Variants in RANBP2 observed in about 807,000 individuals in gnomAD.
RANBP2 encodes RAN binding protein 2, also known as E3 SUMO-protein ligase RanBP2.
Under a neutral mutation model 303.6 loss-of-function variants are expected in RANBP2, and 57 were observed. The ratio of observed to expected loss-of-function variants is 0.19; its 90% confidence interval spans 0.15 to 0.23. The LOEUF is 0.23. Among genes scored for constraint, RANBP2 ranks in the 10% least tolerant of loss-of-function variants. The probability of loss-of-function intolerance (pLI) is 1.00; values close to 1 mark genes in which losing one functional copy is unlikely to be tolerated. For synonymous variants in RANBP2, 1,167 were observed against 1,301.5 expected (o/e 0.90, Z 2.23); for missense variants, 3,138 against 3,780.8 (o/e 0.83, Z 4.46).
the RANBP2 span, among the ~76,000 whole-genome samples, chr2:109,491,109 C>T: frequency 2.0e-5 from 3 of 152,180 alleles, no homozygotes; most frequent in Non-Finnish European, 4.4e-5. Flanking sequence ...CTGGATGAAA[C>T]GAGTCTGGGA....
At chr2:108,752,215 T>C (rs981075556) in intron 12 of RANBP2, among the ~76,000 whole-genome samples, 18 of 152,090 alleles carry the variant, frequency 1.2e-4, no homozygotes, top group African/African-American at 4.3e-4. Context: ...GAGCTGTTAC[T>C]GTTATTCCTT....
At chr2:108,836,357 A>G in the RANBP2 span, among the ~76,000 whole-genome samples, 165 of 152,286 alleles carry the variant, frequency 1.1e-3, 3 homozygotes, top group African/African-American at 3.9e-3. Context: ...TCTAAGGTGG[A>G]ACAATATTTG....
chr2:109,297,546 C>G, the RANBP2 span, among the ~76,000 whole-genome samples: 115 of 149,940 alleles, frequency 7.7e-4, 3 homozygotes, highest in South Asian at 0.016. Context: ...CAGTGCCCCC[C>G]ACCCAAGTCA....
chr2:109,198,722 G>A, the RANBP2 span, among the ~76,000 whole-genome samples: 1 of 152,122 alleles, frequency 6.6e-6, no homozygotes, highest in Non-Finnish European at 1.5e-5. Context: ...CATTCGTGAA[G>A]GTTCCACCCT....
At chr2:109,074,974 C>T in the RANBP2 span, among the ~76,000 whole-genome samples, 59,877 of 133,990 alleles carry the variant, frequency 0.45, 14,699 homozygotes, top group Non-Finnish European at 0.49. Context: ...TGTAGTGAGC[C>T]GAGATCACAC....
intron 6 of RANBP2, 38 bp from the exon 7 acceptor site, chr2:108,740,451 T>A (rs1018886885): frequency 6.3e-7 from 1 of 1,597,140 alleles, no homozygotes; most frequent in Non-Finnish European, 8.5e-7. Context: ...CACAGTGCAG[T>A]AAGTGTGTAT....
At chr2:109,463,386 T>G in the RANBP2 span, among the ~76,000 whole-genome samples, 1 of 152,230 alleles carries the variant, frequency 6.6e-6, no homozygotes, top group Non-Finnish European at 1.5e-5. Flanking sequence ...CCCCTTGCTC[T>G]GGGACCCAGT....
the RANBP2 span, among the ~76,000 whole-genome samples, chr2:109,344,894 C>G: frequency 6.6e-6 from 1 of 152,140 alleles, no homozygotes; most frequent in Non-Finnish European, 1.5e-5. Context: ...GGGTTCACAT[C>G]AAGTCCCATG....
chr2:109,677,956 C>G, the RANBP2 span, among the ~76,000 whole-genome samples: 1 of 152,214 alleles, frequency 6.6e-6, no homozygotes, highest in East Asian at 1.9e-4. Flanking sequence ...CCAGCTGTCG[C>G]AAGAGTGAAT....
chr2:109,577,778 T>C, the RANBP2 span, among the ~76,000 whole-genome samples: 1 of 149,822 alleles, frequency 6.7e-6, no homozygotes, highest in African/African-American at 2.5e-5. Flanking sequence ...CCAGGTGGGG[T>C]GGTGTGTGAC....
the RANBP2 span, among the ~76,000 whole-genome samples, chr2:109,471,553 G>A: frequency 6.6e-6 from 1 of 152,194 alleles, no homozygotes; most frequent in South Asian, 2.1e-4. Flanking sequence ...TGGGGACACA[G>A]AGCCAAACCA....
chr2:109,229,995 T>C, the RANBP2 span, among the ~76,000 whole-genome samples: 1 of 151,860 alleles, frequency 6.6e-6, no homozygotes, highest in Non-Finnish European at 1.5e-5. Context: ...CGGCTAATTT[T>C]TTGTATATTT....
At chr2:108,752,181 C>T (rs1675934586) in intron 12 of RANBP2, among the ~76,000 whole-genome samples, 187 bp downstream of exon 12, 1 of 151,676 alleles carries the variant, frequency 6.6e-6, no homozygotes, top group African/African-American at 2.4e-5. Flanking sequence ...ATGCCTGGCA[C>T]ACAGTGAATG....
chr2:109,025,907 G>A, the RANBP2 span, among the ~76,000 whole-genome samples: 1 of 152,120 alleles, frequency 6.6e-6, no homozygotes, highest in African/African-American at 2.4e-5. Flanking sequence ...ACAGAGATGG[G>A]GGACGACGTG....
At chr2:109,710,998 C>T in the RANBP2 span, among the ~76,000 whole-genome samples, 2 of 151,890 alleles carry the variant, frequency 1.3e-5, no homozygotes, top group Non-Finnish European at 2.9e-5. Flanking sequence ...CCTCCCTATG[C>T]CCTCTCTCTG....
chr2:109,355,728 T>G, the RANBP2 span, among the ~76,000 whole-genome samples: 1 of 152,194 alleles, frequency 6.6e-6, no homozygotes, highest in Non-Finnish European at 1.5e-5. Context: ...CCCTCCTCTG[T>G]GAAGCAGCAA....
At chr2:109,346,121 T>G in the RANBP2 span, among the ~76,000 whole-genome samples, 1 of 152,234 alleles carries the variant, frequency 6.6e-6, no homozygotes, top group Non-Finnish European at 1.5e-5. Flanking sequence ...TGGGGCTCGT[T>G]ACACACTATT....
At chr2:108,812,924 C>G in the RANBP2 span, 2 of 1,612,790 alleles carry the variant, frequency 1.2e-6, no homozygotes, top group African/African-American at 1.3e-5. Flanking sequence ...CAAAAACTTA[C>G]AAGGTAAGTT....
chr2:109,634,515 C>A, the RANBP2 span, among the ~76,000 whole-genome samples: 1 of 152,152 alleles, frequency 6.6e-6, no homozygotes, highest in African/African-American at 2.4e-5. Context: ...CCAGGACTTT[C>A]TAGATGGAGG....
Sources: allele counts gnomAD v4.1 joint callset (sites outside exome capture counted in the v4.1 genomes callset), GRCh38; gene constraint gnomAD v4.1.1; transcripts MANE v1.5; gene names NCBI Gene and HGNC (gene_info 2026-07-23, HGNC 2026-07-21).